Variants in METTL25 observed in about 807,000 individuals in gnomAD.
METTL25 encodes the protein probable methyltransferase-like protein 25.
A neutral mutation model predicts 71.6 loss-of-function variants in METTL25; 64 were observed. The observed-to-expected ratio is 0.89, with a 90% CI of 0.73 to 1.10. METTL25 has a LOEUF of 1.10. Among genes scored for constraint, METTL25 ranks in the 50% least tolerant of loss-of-function variants. The pLI, the probability that METTL25 is intolerant of heterozygous loss-of-function variation, is 0.00. For synonymous variants in METTL25, 287 were observed against 250.3 expected, an observed-to-expected ratio of 1.15 and a Z score of -1.38; for missense variants, 807 against 707.0, an observed-to-expected ratio of 1.14 and a Z score of -1.60.
At chr12:82,381,455 T>C (rs1884435165) in intron 1 of METTL25, among the ~76,000 whole-genome samples, 1 of 152,194 alleles carries the variant, frequency 6.6e-6, no homozygotes, top group South Asian at 2.1e-4. Context: ...AAGAGCATGG[T>C]TTGCATGTTT....
chr12:82,418,133 A>G (rs1385626125), intron 5 of METTL25, among the ~76,000 whole-genome samples: 5 of 152,112 alleles, frequency 3.3e-5, no homozygotes, highest in African/African-American at 1.2e-4. Flanking sequence ...TTTTATATGT[A>G]TTGACACTTA....
At chr12:82,447,856 A>G (rs1344776190) in intron 8 of METTL25, among the ~76,000 whole-genome samples, 1 of 152,100 alleles carries the variant, frequency 6.6e-6, no homozygotes, top group Non-Finnish European at 1.5e-5. Flanking sequence ...TATACCCCAC[A>G]GTCAGTTGAG....
intron 4 of METTL25, among the ~76,000 whole-genome samples, chr12:82,401,231 C>A (rs1180219928): frequency 6.6e-6 from 1 of 151,796 alleles, no homozygotes. Flanking sequence ...GCTAAAATAA[C>A]ATTTTAGTAA....
At chr12:82,411,859 G>T (rs1020175896) in intron 5 of METTL25, among the ~76,000 whole-genome samples, 1 of 151,844 alleles carries the variant, frequency 6.6e-6, no homozygotes, top group Non-Finnish European at 1.5e-5. Context: ...TCCACGCTTC[G>T]GTATTCCTTG....
intron 9 of METTL25, among the ~76,000 whole-genome samples, chr12:82,457,926 T>G (rs1186388913): frequency 6.6e-6 from 1 of 152,158 alleles, no homozygotes; most frequent in African/African-American, 2.4e-5. Flanking sequence ...TGACTGATCT[T>G]CCTTCCAATT....
intron 8 of METTL25, chr12:82,451,402 AT>A: frequency 3.5e-6 from 1 of 287,522 alleles, no homozygotes; most frequent in Non-Finnish European, 5.2e-6. Context: ...TGGTCATATT[AT>A]TTTATATCTT....
chr12:82,459,910 C>G (rs559159647), intron 9 of METTL25: 1 of 152,318 alleles, frequency 6.6e-6, no homozygotes, highest in East Asian at 1.9e-4. Context: ...GGATAACTTC[C>G]TCTATCAACC....
intron 1 of METTL25, among the ~76,000 whole-genome samples, chr12:82,378,149 G>T (rs1022648138): frequency 1.3e-5 from 2 of 152,156 alleles, no homozygotes; most frequent in Non-Finnish European, 2.9e-5. Context: ...CAGCCACAGA[G>T]TATCAGACCA....
At chr12:82,365,950 C>T (rs376265183) in intron 1 of METTL25, among the ~76,000 whole-genome samples, 184 of 152,136 alleles carry the variant, frequency 1.2e-3, no homozygotes, top group African/African-American at 4.4e-3. Flanking sequence ...GACATGGTGG[C>T]GGGCACCTGT....
chr12:82,397,360 C>A (rs1886171636), intron 3 of METTL25, among the ~76,000 whole-genome samples: 1 of 151,998 alleles, frequency 6.6e-6, no homozygotes, highest in Admixed American at 6.6e-5. Context: ...TGTAAGAGTT[C>A]TTTATTCTAG....
intron 7 of METTL25, 176 bp from the exon 8 acceptor site, chr12:82,438,542 C>A: frequency 6.1e-4 from 139 of 226,824 alleles, no homozygotes; most frequent in Non-Finnish European, 7.6e-4. Flanking sequence ...ATTACTTTCA[C>A]AATGAGAATT....
At chr12:82,441,189 A>AATT (rs1450418145) in intron 8 of METTL25, among the ~76,000 whole-genome samples, 1 of 151,982 alleles carries the variant, frequency 6.6e-6, no homozygotes. Context: ...CTCAAGCTGC[A>AATT]ATTAAAGTAT....
In METTL25 at chr12:82,358,606, C is replaced by T; in HGVS notation, c.41C>T (p.Pro14Leu). 1 of 1,613,558 alleles carries T rather than the reference C, an allele frequency of 6.2e-7. No homozygotes were observed. Among genetic ancestry groups the T allele is most frequent in the Non-Finnish European group, 8.5e-7 (1 of 1,180,036 alleles). Residue 14 changes from proline to leucine, a missense_variant, in exon 1 of 12, where the codon CCC becomes CTC. Coordinates refer to ENST00000248306, the MANE Select transcript of METTL25 (RefSeq NM_032230.3). ...SCPLPVTPDL[P>L]TLRAKLQGLL... is the part of the protein sequence containing the mutation. ...CCTCTCCCGGTGACCCCGGACCTGC[C>T]CACGCTGCGTGCCAAGTTGCAGGGA...
At chr12:82,432,191 T>C (rs539760297) in intron 6 of METTL25, among the ~76,000 whole-genome samples, 1 of 151,884 alleles carries the variant, frequency 6.6e-6, no homozygotes, top group East Asian at 1.9e-4. Context: ...CTATGCCTGT[T>C]ACATAGCAAT....
Position 82,358,679 on chromosome 12 carries a change from C to A in METTL25, c.114C>A (p.Thr38=). Residue 38 remains threonine, a synonymous_variant, in exon 1 of 12, where the codon ACC becomes ACA. Coordinates refer to ENST00000248306, the MANE Select transcript of METTL25 (RefSeq NM_032230.3). ...CCCTGTCCATTTCCAATGCACATAC[C>A]GTGGATTTCTACACAGAATCCGTGT... ...RDALSISNAH[T]VDFYTESVWE... 3.1e-6 allele frequency: 5 copies of A among 1,614,194 alleles called. No homozygotes were observed. The highest frequency in any genetic ancestry group is 4.2e-6 in the Non-Finnish European group (5 of 1,180,040).
chr12:82,382,629 A>T (rs10746243), intron 1 of METTL25, among the ~76,000 whole-genome samples: 140,783 of 152,310 alleles, frequency 0.92, 65,384 homozygotes, highest in East Asian at 1. Flanking sequence ...ACTTTGTTTC[A>T]GCAAATAGAT....
chr12:82,415,908 G>A (rs1306642342), intron 5 of METTL25, among the ~76,000 whole-genome samples: 8 of 152,102 alleles, frequency 5.3e-5, no homozygotes, highest in Admixed American at 3.9e-4. Flanking sequence ...CACACTTGGC[G>A]TGGCCCAGTA....
Position 82,399,405 on chromosome 12 carries a change from C to T in METTL25, c.1131+11C>T. 2 of 1,539,288 alleles carry T rather than the reference C, an allele frequency of 1.3e-6. No individual in the cohort carries two copies. The highest frequency in any genetic ancestry group is 1.7e-6 in the Non-Finnish European group (2 of 1,146,866). On this transcript the variant is annotated intron_variant, in intron 4 of 11. Transcript: ENST00000248306. ...ATTAAAGATTTGGAGGTGACTTTACCTTTGAATTATTTAATTTGATTTACA... is the reference window on the plus strand; with the variant it reads ...ATTAAAGATTTGGAGGTGACTTTACTTTTGAATTATTTAATTTGATTTACA...
At chr12:82,456,052 G>A (rs765557580) in intron 8 of METTL25, among the ~76,000 whole-genome samples, 14 of 151,810 alleles carry the variant, frequency 9.2e-5, no homozygotes, top group Non-Finnish European at 1.5e-4. Context: ...TTAATCAGAG[G>A]TGTTAATATT....
Sources: gnomAD v4.1 joint callset for allele counts (sites outside exome capture counted in the v4.1 genomes callset) on GRCh38, gnomAD v4.1.1 for gene constraint, MANE v1.5 for transcripts, NCBI Gene and HGNC (gene_info 2026-07-23, HGNC 2026-07-21) for gene names.